MICU3: variants seen among roughly 807,000 people sequenced by gnomAD.
The protein encoded by MICU3 is calcium uptake protein 3, mitochondrial.
In MICU3, 62 loss-of-function variants were observed where a neutral mutation model predicts 66.5. The observed-to-expected ratio is 0.93, with a 90% CI of 0.76 to 1.15. The LOEUF (loss-of-function observed/expected upper bound fraction) is 1.15. Among genes scored for constraint, MICU3 ranks in the 50% most tolerant of loss-of-function variants. MICU3 has a pLI of 0.00. For synonymous variants in MICU3, 308 were observed against 240.7 expected (o/e 1.28, Z -2.59); for missense variants, 779 against 664.4 (o/e 1.17, Z -1.90).
intron 1 of MICU3, among the ~76,000 whole-genome samples, chr8:17,063,294 G>C (rs918425221): frequency 3.3e-5 from 5 of 152,032 alleles, no homozygotes; most frequent in African/African-American, 1.2e-4. Context: ...AAAAAGATCA[G>C]GTTATTGAAG....
intron 1 of MICU3, among the ~76,000 whole-genome samples, chr8:17,057,988 C>T (rs1334624380): frequency 6.6e-6 from 1 of 152,086 alleles, no homozygotes; most frequent in Non-Finnish European, 1.5e-5. Context: ...GCTGAGATTA[C>T]AGGCACTCGC....
At chr8:17,079,565 C>T (rs1287948481) in intron 4 of MICU3, among the ~76,000 whole-genome samples, 1 of 151,814 alleles carries the variant, frequency 6.6e-6, no homozygotes, top group African/African-American at 2.4e-5. Flanking sequence ...TTTATTGAGT[C>T]AGGGTCTCAT....
intron 11 of MICU3, among the ~76,000 whole-genome samples, chr8:17,106,389 G>A (rs957722405): frequency 2.7e-5 from 4 of 150,470 alleles, no homozygotes; most frequent in African/African-American, 7.3e-5. Context: ...ATTAGTTTAC[G>A]ATATCTCCAA....
At chr8:17,079,226 T>A (rs111481537) in intron 4 of MICU3, among the ~76,000 whole-genome samples, 1 of 50,142 alleles carries the variant, frequency 2.0e-5, no homozygotes, top group Non-Finnish European at 3.8e-5. Flanking sequence ...CTGTCTCTTA[T>A]GGTAGCTACT....
chr8:17,118,333 T>C (rs1802890109), intron 13 of MICU3, among the ~76,000 whole-genome samples: 2 of 152,178 alleles, frequency 1.3e-5, no homozygotes, highest in Non-Finnish European at 2.9e-5. Flanking sequence ...GTAAATGTGA[T>C]ATTTTGGTAT....
At chr8:17,097,656 T>G (rs1019526300) in intron 8 of MICU3, among the ~76,000 whole-genome samples, 3 of 151,774 alleles carry the variant, frequency 2.0e-5, no homozygotes. Context: ...TCATCTCACA[T>G]TAACCAAAAG....
chr8:17,095,688 C>T (rs1422266595), intron 8 of MICU3, among the ~76,000 whole-genome samples: 1 of 151,824 alleles, frequency 6.6e-6, no homozygotes, highest in East Asian at 1.9e-4. Flanking sequence ...TATTAACCAT[C>T]TCTAAATCAA....
intron 4 of MICU3, among the ~76,000 whole-genome samples, chr8:17,078,215 C>A (rs971921574): frequency 1.3e-5 from 2 of 151,886 alleles, no homozygotes. Context: ...AATACTAGAT[C>A]TTCAAAGGTC....
At chr8:17,137,100 G>A in the MICU3 span, among the ~76,000 whole-genome samples, 1 of 152,050 alleles carries the variant, frequency 6.6e-6, no homozygotes, top group African/African-American at 2.4e-5. Context: ...TGGGATTACA[G>A]GCGTGAGCCA....
At chr8:17,067,377 A>G (rs1367959262) in intron 2 of MICU3, among the ~76,000 whole-genome samples, 1 of 152,152 alleles carries the variant, frequency 6.6e-6, no homozygotes, top group Non-Finnish European at 1.5e-5. Context: ...GGCACACAGT[A>G]AACATTTAAT....
At chr8:17,137,112 C>T in the MICU3 span, among the ~76,000 whole-genome samples, 2 of 151,972 alleles carry the variant, frequency 1.3e-5, no homozygotes, top group Admixed American at 6.6e-5. Flanking sequence ...CGTGAGCCAC[C>T]ACTCCCGTCC....
At chr8:17,034,577 A>G (rs369320973) in intron 1 of MICU3, among the ~76,000 whole-genome samples, 35 of 152,356 alleles carry the variant, frequency 2.3e-4, no homozygotes, top group African/African-American at 7.0e-4. Context: ...TCACTGGTAG[A>G]GGTAAAAGTA....
chr8:17,104,723 C>CG (rs1801591340), intron 10 of MICU3, among the ~76,000 whole-genome samples: 1 of 35,234 alleles, frequency 2.8e-5, no homozygotes, highest in Non-Finnish European at 4.5e-5. Context: ...CGGCCGGGCG[C>CG]GGTGGCTCAC....
intron 14 of MICU3, among the ~76,000 whole-genome samples, chr8:17,119,299 A>G (rs1377819099): frequency 6.6e-6 from 1 of 152,126 alleles, no homozygotes; most frequent in Non-Finnish European, 1.5e-5. Flanking sequence ...ATTATTCCTT[A>G]TCACATTTTT....
At chr8:17,079,067 C>CT (rs1820795747) in intron 4 of MICU3, among the ~76,000 whole-genome samples, 1 of 151,856 alleles carries the variant, frequency 6.6e-6, no homozygotes, top group African/African-American at 2.4e-5. Flanking sequence ...AAGAAAGAAC[C>CT]TTTTTTAAGT....
intron 11 of MICU3, among the ~76,000 whole-genome samples, chr8:17,110,593 T>C (rs1802104509): frequency 6.6e-6 from 1 of 152,170 alleles, no homozygotes; most frequent in African/African-American, 2.4e-5. Flanking sequence ...AAATGGGGTC[T>C]TTCTCTGCCA....
chr8:17,074,082 T>C (rs1820011808), intron 3 of MICU3, among the ~76,000 whole-genome samples: 1 of 151,516 alleles, frequency 6.6e-6, no homozygotes, highest in Non-Finnish European at 1.5e-5. Context: ...TTATTTTTAG[T>C]AGAGAGGGGG....
At chr8:17,114,036 C>A in intron 11 of MICU3, 57 bp from the exon 12 acceptor site, 2 of 912,216 alleles carry the variant, frequency 2.2e-6, no homozygotes, top group Admixed American at 2.7e-5. Context: ...TGTGTAGATC[C>A]TGATTTTAAT....
intron 9 of MICU3, among the ~76,000 whole-genome samples, chr8:17,103,963 C>T (rs1463518634): frequency 1.3e-5 from 2 of 151,722 alleles, no homozygotes; most frequent in African/African-American, 4.8e-5. Context: ...TTCAGTATAT[C>T]TGAAGAGGTT....
Sources: allele counts gnomAD v4.1 joint callset (sites outside exome capture counted in the v4.1 genomes callset), GRCh38; gene constraint gnomAD v4.1.1; transcripts MANE v1.5; gene names NCBI Gene and HGNC (gene_info 2026-07-23, HGNC 2026-07-21).